Variants in CSMD1 observed in about 807,000 individuals in gnomAD.
CSMD1 encodes CUB and Sushi multiple domains 1, also known as CUB and sushi domain-containing protein 1.
CSMD1 carries 213 observed loss-of-function variants against 417.5 expected under a neutral mutation model. The ratio of observed to expected loss-of-function variants is 0.51; its 90% confidence interval spans 0.46 to 0.57. The LOEUF (loss-of-function observed/expected upper bound fraction) is 0.57. CSMD1 is among the 20% of genes least tolerant of loss of function. The probability of loss-of-function intolerance (pLI) is 0.00; values close to 1 mark genes in which losing one functional copy is unlikely to be tolerated. For missense variants in CSMD1, 6,923 were observed against 4,529.7 expected (o/e 1.53, Z -15.17); for synonymous variants, 2,862 against 1,736.8 (o/e 1.65, Z -16.11).
At chr8:4,210,489 A>G (rs1800240775) in intron 3 of CSMD1, among the ~76,000 whole-genome samples, 1 of 152,232 alleles carries the variant, frequency 6.6e-6, no homozygotes, top group African/African-American at 2.4e-5. Context: ...ACAATAATTC[A>G]GGAAAATTTT....
At chr8:3,068,671 T>G (rs6558708) in intron 49 of CSMD1, among the ~76,000 whole-genome samples, 33,265 of 151,960 alleles carry the variant, frequency 0.22, 4,363 homozygotes, top group African/African-American at 0.36. Context: ...GGGAGCAGGC[T>G]TCTCACACGG....
intron 11 of CSMD1, among the ~76,000 whole-genome samples, chr8:3,474,426 C>T (rs1242203713): frequency 2.0e-5 from 3 of 152,040 alleles, no homozygotes. Flanking sequence ...TTATTTATCC[C>T]TTGATGTAAC....
intron 5 of CSMD1, among the ~76,000 whole-genome samples, chr8:3,755,321 A>G: frequency 6.6e-6 from 1 of 152,214 alleles, no homozygotes; most frequent in East Asian, 1.9e-4. Context: ...AAATACCTGT[A>G]TCAAGGGTCG....
At chr8:4,730,998 T>G (rs150854167) in intron 1 of CSMD1, among the ~76,000 whole-genome samples, 1 of 152,092 alleles carries the variant, frequency 6.6e-6, no homozygotes, top group Non-Finnish European at 1.5e-5. Flanking sequence ...GAGTTCTATG[T>G]CATGGTTTTA....
chr8:4,413,869 G>T (rs1429649300), intron 3 of CSMD1, among the ~76,000 whole-genome samples: 1 of 152,148 alleles, frequency 6.6e-6, no homozygotes, highest in Admixed American at 6.6e-5. Context: ...GTGTTTACAG[G>T]AAGGATACCT....
intron 3 of CSMD1, among the ~76,000 whole-genome samples, chr8:4,251,766 G>C (rs867134871): frequency 1.3e-5 from 2 of 151,996 alleles, no homozygotes; most frequent in Non-Finnish European, 1.5e-5. Flanking sequence ...GTGTGTGAGA[G>C]TGATGCAGGG....
At chr8:4,829,281 T>C (rs888808544) in intron 1 of CSMD1, among the ~76,000 whole-genome samples, 7 of 152,330 alleles carry the variant, frequency 4.6e-5, no homozygotes, top group African/African-American at 7.2e-5. Context: ...TGACAATATT[T>C]AGTCATAAGC....
chr8:3,721,273 C>T (rs139125070), intron 6 of CSMD1, among the ~76,000 whole-genome samples: 1 of 152,096 alleles, frequency 6.6e-6, no homozygotes, highest in Non-Finnish European at 1.5e-5. Context: ...CAGCAATGCC[C>T]CTCAAGGATC....
At chr8:3,749,202 C>T (rs1797201345) in intron 6 of CSMD1, among the ~76,000 whole-genome samples, 1 of 152,106 alleles carries the variant, frequency 6.6e-6, no homozygotes. Context: ...ATGGAGGCAA[C>T]ATATAAAGAA....
chr8:3,798,358 T>C lies in CSMD1; in HGVS notation c.819-44316A>G, dbSNP rs543650575. On this transcript the variant is annotated intron_variant, in intron 5 of 69. Coordinates refer to ENST00000635120, the MANE Select transcript of CSMD1 (RefSeq NM_033225.6). ...TATCTGATGGCAGTAAGTCACTCTC[T>C]TACATTAGCCTCTAGTTTTTTAATT... is the stretch of plus-strand genomic sequence containing the variant. 2.0e-5 allele frequency among the ~76,000 whole-genome samples: 3 copies of C among 152,202 alleles called. No individual in the cohort carries two copies. In the South Asian group the frequency reaches 6.2e-4, roughly 32 times the overall value.
chr8:4,121,141 G>T (rs994840472), intron 3 of CSMD1, among the ~76,000 whole-genome samples: 1 of 151,798 alleles, frequency 6.6e-6, no homozygotes, highest in Admixed American at 6.6e-5. Flanking sequence ...TTTGGGCAGA[G>T]TCTCACTCTG....
At chr8:3,342,666 T>C (rs1219211752) in intron 23 of CSMD1, among the ~76,000 whole-genome samples, 2 of 152,188 alleles carry the variant, frequency 1.3e-5, no homozygotes, top group Non-Finnish European at 2.9e-5. Context: ...TATTCCACAT[T>C]GATTTGTTCA....
At chr8:4,355,354 A>G (rs1301973070) in intron 3 of CSMD1, among the ~76,000 whole-genome samples, 2 of 151,978 alleles carry the variant, frequency 1.3e-5, no homozygotes, top group African/African-American at 4.8e-5. Flanking sequence ...TATGATATAT[A>G]TACACACACA....
intron 5 of CSMD1, among the ~76,000 whole-genome samples, chr8:3,937,489 A>T (rs994770292): frequency 1.3e-5 from 2 of 152,138 alleles, no homozygotes; most frequent in South Asian, 2.1e-4. Context: ...ACCAGCAAAA[A>T]GATGATGAGT....
At chr8:4,234,009 G>A (rs1411766559) in intron 3 of CSMD1, among the ~76,000 whole-genome samples, 1 of 152,094 alleles carries the variant, frequency 6.6e-6, no homozygotes, top group Admixed American at 6.5e-5. Flanking sequence ...CTGCCTGAGA[G>A]GTTCTGGCAT....
intron 12 of CSMD1, among the ~76,000 whole-genome samples, chr8:3,464,771 G>T (rs1020477380): frequency 6.6e-6 from 1 of 151,890 alleles, no homozygotes; most frequent in Non-Finnish European, 1.5e-5. Flanking sequence ...TTTACATCCT[G>T]CTTCTTAGCA....
At chr8:3,642,319 T>G (rs939536498) in intron 7 of CSMD1, among the ~76,000 whole-genome samples, 17 of 152,126 alleles carry the variant, frequency 1.1e-4, no homozygotes, top group African/African-American at 3.6e-4. Context: ...GAAAAGAACT[T>G]GCTCTTTCCC....
At chr8:4,438,425 C>T (rs1798269694) in intron 2 of CSMD1, among the ~76,000 whole-genome samples, 1 of 152,142 alleles carries the variant, frequency 6.6e-6, no homozygotes, top group Non-Finnish European at 1.5e-5. Context: ...TTAAACTCTA[C>T]CCATCCACAT....
intron 10 of CSMD1, among the ~76,000 whole-genome samples, chr8:3,553,229 A>G (rs1381692270): frequency 6.6e-6 from 1 of 152,188 alleles, no homozygotes. Context: ...GAAGATACCT[A>G]GGTAGGCTTT....
Sources: gnomAD v4.1 joint callset for allele counts (sites outside exome capture counted in the v4.1 genomes callset) on GRCh38, gnomAD v4.1.1 for gene constraint, MANE v1.5 for transcripts, NCBI Gene and HGNC (gene_info 2026-07-23, HGNC 2026-07-21) for gene names.